ATP6V1A: variants seen among roughly 807,000 people sequenced by gnomAD.
ATP6V1A encodes ATPase H+ transporting V1 subunit A, also known as V-type proton ATPase catalytic subunit A.
ATP6V1A carries 18 observed loss-of-function variants against 70.1 expected under a neutral mutation model. The observed-to-expected ratio is 0.26, with a 90% CI of 0.18 to 0.38. ATP6V1A has a LOEUF of 0.38. Ranked by LOEUF, ATP6V1A falls within the 10% of genes least tolerant of loss-of-function variation. ATP6V1A has a pLI of 1.00. For synonymous variants in ATP6V1A, 232 were observed against 253.8 expected (o/e 0.91, Z 0.82); for missense variants, 424 against 772.4 (o/e 0.55, Z 5.35).
rs531739946 is a variant in ATP6V1A, at chr3:113,777,814, G to T, written c.-13-927G>T. On this transcript the variant is annotated intron_variant, in intron 1 of 14. Transcript: ENST00000273398. ...TTGGAGAATAACATTCTAAGCAGAG[G>T]GAACAACCTGTACAAAGGCCCTGAG... Among the ~76,000 whole-genome samples the T allele has an allele frequency of 2.0e-5, 3 of 152,258 alleles. No individual in the cohort carries two copies. In the South Asian group the frequency reaches 6.2e-4, roughly 32 times the overall value.
At chr3:113,785,311 A>G (rs1168741325) in intron 5 of ATP6V1A, among the ~76,000 whole-genome samples, 1 of 152,016 alleles carries the variant, frequency 6.6e-6, no homozygotes, top group East Asian at 1.9e-4. Flanking sequence ...GTGGTGGCGC[A>G]CGCCTGTAAT....
intron 1 of ATP6V1A, among the ~76,000 whole-genome samples, chr3:113,778,445 C>T (rs1459449676): frequency 6.6e-6 from 1 of 152,040 alleles, no homozygotes; most frequent in African/African-American, 2.4e-5. Flanking sequence ...TGGTGGTACA[C>T]ACCTGTAGTC....
intron 1 of ATP6V1A, among the ~76,000 whole-genome samples, chr3:113,778,430 G>T (rs558103104): frequency 6.6e-6 from 1 of 151,872 alleles, no homozygotes; most frequent in Non-Finnish European, 1.5e-5. Flanking sequence ...AAAACTAGTT[G>T]GGCATGGTGG....
At chr3:113,750,751 A>G (rs1708576818) in intron 1 of ATP6V1A, among the ~76,000 whole-genome samples, 1 of 152,232 alleles carries the variant, frequency 6.6e-6, no homozygotes, top group Non-Finnish European at 1.5e-5. Flanking sequence ...AATTAATTTT[A>G]CTGATAACTA....
At chr3:113,804,157 A>ATTT (rs761414902) in intron 13 of ATP6V1A, among the ~76,000 whole-genome samples, 1 of 140,984 alleles carries the variant, frequency 7.1e-6, no homozygotes, top group Admixed American at 7.1e-5. Flanking sequence ...TGCCCAGCTA[A>ATTT]TTTTTTTTTT....
At chr3:113,793,820 G>T (rs1400860252) in intron 8 of ATP6V1A, among the ~76,000 whole-genome samples, 1 of 151,816 alleles carries the variant, frequency 6.6e-6, no homozygotes, top group African/African-American at 2.4e-5. Flanking sequence ...ATAAACCTCT[G>T]TTTCTTTACC....
At chr3:113,782,689 T>G (rs1482767991) in intron 3 of ATP6V1A, among the ~76,000 whole-genome samples, 1 of 151,246 alleles carries the variant, frequency 6.6e-6, no homozygotes. Flanking sequence ...AGTAGCATGA[T>G]CTCGGCTTAC....
intron 1 of ATP6V1A, among the ~76,000 whole-genome samples, chr3:113,768,664 C>T (rs896796612): frequency 2.0e-5 from 3 of 148,032 alleles, no homozygotes; most frequent in African/African-American, 5.0e-5. Flanking sequence ...GGCGCAATCT[C>T]GGCTCAGTGC....
intron 8 of ATP6V1A, among the ~76,000 whole-genome samples, 154 bp from the exon 9 acceptor site, chr3:113,794,718 G>A (rs1250593902): frequency 6.6e-6 from 1 of 152,196 alleles, no homozygotes; most frequent in Non-Finnish European, 1.5e-5. Flanking sequence ...AAACAATTCA[G>A]TGTGTGCCCA....
chr3:113,788,457 C>G (rs1356456340), intron 6 of ATP6V1A, among the ~76,000 whole-genome samples: 1 of 151,906 alleles, frequency 6.6e-6, no homozygotes, highest in Non-Finnish European at 1.5e-5. Flanking sequence ...GTCCCAGCCT[C>G]CAGAGTAGCT....
chr3:113,797,582 G>C (rs1370403393), intron 11 of ATP6V1A, among the ~76,000 whole-genome samples: 1 of 152,114 alleles, frequency 6.6e-6, no homozygotes, highest in African/African-American at 2.4e-5. Context: ...TCAAAGTAAA[G>C]TGTGTATTCG....
At chr3:113,771,627 C>T (rs892869609) in intron 1 of ATP6V1A, among the ~76,000 whole-genome samples, 8 of 151,842 alleles carry the variant, frequency 5.3e-5, no homozygotes, top group East Asian at 3.9e-4. Flanking sequence ...TCAGTAGACA[C>T]GGGGTTTCAT....
At chr3:113,778,618 A>G (rs1231538676) in intron 1 of ATP6V1A, 123 bp from the exon 2 acceptor site, 1 of 482,464 alleles carries the variant, frequency 2.1e-6, no homozygotes, top group Admixed American at 4.3e-5. Flanking sequence ...ACTTTGAAGA[A>G]GTATAATAAC....
chr3:113,788,106 A>G lies in ATP6V1A; in HGVS notation c.717-607A>G, dbSNP rs536945249. Among the ~76,000 whole-genome samples the G allele has an allele frequency of 5.3e-3, 802 of 152,246 alleles. 1 individual carries two copies. The highest frequency in any genetic ancestry group is 0.015 in the African/African-American group (619 of 41,546). The stretch of plus-strand genomic sequence containing the variant: ...TTCTAATTTCTAAATATTTTTATAG[A>G]GACAGGGTCTTGCTCTTTTGCCCAG... On this transcript the variant is annotated intron_variant, in intron 6 of 14. Coordinates refer to ENST00000273398, the MANE Select transcript of ATP6V1A (RefSeq NM_001690.4).
At position 113,809,548 on chromosome 3, in the gene ATP6V1A, T is replaced by A; in HGVS notation, c.*121T>A. On this transcript the variant is annotated 3_prime_UTR_variant, in exon 15 of 15. Transcript: ENST00000273398. Reference sequence around the variant, plus strand: ...ATTGTGCAGCTTTGAGACTAGTGCCTATGTGTGTTATTTGTTTCCCTGTTT... The same window carrying A: ...ATTGTGCAGCTTTGAGACTAGTGCCAATGTGTGTTATTTGTTTCCCTGTTT... The A allele has an allele frequency of 2.6e-6, 2 of 781,424 alleles. No homozygotes were observed. The highest frequency in any genetic ancestry group is 4.1e-6 in the Non-Finnish European group (2 of 491,660). The allele number at this position is 781,424 out of a possible 1,614,324, so 48.4% of individuals were successfully genotyped here.
Position 113,784,209 on chromosome 3 carries a change from A to G in ATP6V1A, c.212-15A>G, listed in dbSNP as rs756891811. 1 of 1,609,490 alleles carries G rather than the reference A, an allele frequency of 6.2e-7. No homozygotes were observed. The highest frequency in any genetic ancestry group is 2.2e-5 in the East Asian group (1 of 44,850). On this transcript the variant is annotated splice_polypyrimidine_tract_variant and intron_variant, in intron 3 of 14. Transcript: ENST00000273398. ...TAAACCTTCATAGTAGGTTTTCCTTAGCTGCTGTTTTTAGCTGGTGTGTCT... is the reference window on the plus strand; with the variant it reads ...TAAACCTTCATAGTAGGTTTTCCTTGGCTGCTGTTTTTAGCTGGTGTGTCT...
chr3:113,808,441 G>A (rs761685619), intron 14 of ATP6V1A, among the ~76,000 whole-genome samples: 1 of 151,636 alleles, frequency 6.6e-6, no homozygotes, highest in African/African-American at 2.4e-5. Flanking sequence ...ACAGGTGCAC[G>A]CCACCATGCC....
intron 1 of ATP6V1A, among the ~76,000 whole-genome samples, chr3:113,753,557 A>G (rs1004777860): frequency 3.9e-5 from 6 of 152,200 alleles, no homozygotes; most frequent in Non-Finnish European, 7.3e-5. Flanking sequence ...AATGCCTGTT[A>G]ATAGGGGTAT....
intron 3 of ATP6V1A, among the ~76,000 whole-genome samples, chr3:113,781,721 C>G (rs2108027582): frequency 6.6e-6 from 1 of 152,276 alleles, no homozygotes; most frequent in South Asian, 2.1e-4. Context: ...ATTGCTCTTA[C>G]TGCTTCAGTA....
Sources: gnomAD v4.1 joint callset for allele counts (sites outside exome capture counted in the v4.1 genomes callset) on GRCh38, gnomAD v4.1.1 for gene constraint, MANE v1.5 for transcripts, NCBI Gene and HGNC (gene_info 2026-07-23, HGNC 2026-07-21) for gene names.